Variants in GLYATL2 observed in about 807,000 individuals in gnomAD.
GLYATL2 encodes the protein glycine N-acyltransferase-like protein 2.
Under a neutral mutation model 21.4 loss-of-function variants are expected in GLYATL2, and 25 were observed. The observed-to-expected ratio is 1.17, with a 90% CI of 0.85 to 1.63. The LOEUF is 1.63. Ranked by LOEUF, GLYATL2 falls within the 40% of genes most tolerant of loss-of-function variation. The pLI, the probability that GLYATL2 is intolerant of heterozygous loss-of-function variation, is 0.00. For missense variants in GLYATL2, 361 were observed against 343.3 expected, an observed-to-expected ratio of 1.05 and a Z score of -0.41; for synonymous variants, 114 against 118.2, an observed-to-expected ratio of 0.96 and a Z score of 0.23.
intron 1 of GLYATL2, among the ~76,000 whole-genome samples, chr11:58,842,980 C>T (rs1853580161): frequency 6.6e-6 from 1 of 152,048 alleles, no homozygotes. Flanking sequence ...TGTTTGGGTT[C>T]TTTATTTATA....
At chr11:58,886,590 T>C (rs1202444346) in intron 1 of GLYATL2, among the ~76,000 whole-genome samples, 1 of 152,234 alleles carries the variant, frequency 6.6e-6, no homozygotes, top group East Asian at 1.9e-4. Context: ...GTTAAACACT[T>C]AGTACATAGC....
rs190641794 is a variant in GLYATL2 at position 58,850,820 on chromosome 11, C to G, written n.61-12452G>C. Among the ~76,000 whole-genome samples the G allele has an allele frequency of 3.9e-3, 591 of 152,162 alleles. 5 individuals carry two copies. Among genetic ancestry groups the G allele is most frequent in the African/African-American group, 0.014 (568 of 41,550 alleles). ...TGTGGAGGGCCTGACATCAGTCAGGCCCACCCACAGTTATCTGGAGGCCTA... is the reference window on the plus strand; with the variant it reads ...TGTGGAGGGCCTGACATCAGTCAGGGCCACCCACAGTTATCTGGAGGCCTA... On this transcript the variant is annotated intron_variant and non_coding_transcript_variant, in intron 1 of 4. Coordinates refer to the GLYATL2 transcript ENST00000533636.
chr11:58,905,608 AG>A, upstream of GLYATL2: 1 of 456,292 alleles, frequency 2.2e-6, no homozygotes, highest in Non-Finnish European at 4.4e-6. Flanking sequence ...ACTGGGAGAC[AG>A]GGGACGCCGA....
chr11:58,860,159 T>G (rs1318968828), intron 1 of GLYATL2, among the ~76,000 whole-genome samples: 3 of 152,178 alleles, frequency 2.0e-5, no homozygotes, highest in Admixed American at 1.3e-4. Flanking sequence ...AGAATGTCAT[T>G]GGTATTTAGA....
intron 1 of GLYATL2, among the ~76,000 whole-genome samples, chr11:58,856,954 A>G (rs767231318): frequency 2.6e-5 from 4 of 152,164 alleles, no homozygotes; most frequent in Non-Finnish European, 5.9e-5. Flanking sequence ...TATTTGTAAA[A>G]CTACAGTACC....
At chr11:58,880,649 A>C (rs61892577) in intron 1 of GLYATL2, among the ~76,000 whole-genome samples, 2 of 152,188 alleles carry the variant, frequency 1.3e-5, no homozygotes, top group Non-Finnish European at 2.9e-5. Flanking sequence ...AAAAAAAAAG[A>C]CCAGGTTTTT....
chr11:58,845,330 G>A (rs1434460379), upstream of GLYATL2, among the ~76,000 whole-genome samples: 3 of 152,196 alleles, frequency 2.0e-5, no homozygotes, highest in Non-Finnish European at 4.4e-5. Flanking sequence ...ACTGGGTGCA[G>A]TGGCTCACAT....
At position 58,839,463 on chromosome 11, in the gene GLYATL2, G is replaced by T. The variant is rs146883971; in HGVS notation, c.78+72C>A. 7.4e-5 allele frequency: 64 copies of T among 869,866 alleles called. 1 individual carries two copies. The Middle Eastern group carries it at 2.8e-3, about 37-fold the overall frequency. 53.9% of individuals were successfully genotyped at this position (869,866 alleles called of 1,614,324 possible). A position where few individuals can be genotyped will look rare whatever the true frequency, so the allele number is the denominator to read the frequency against. The stretch of plus-strand genomic sequence containing the variant: ...CTTGCATTCCCATCTCCCCATTAAG[G>T]TTATGAATCCTGAATCTGTCCTCCT... On this transcript the variant is annotated intron_variant, in intron 2 of 5. Transcript: ENST00000287275.
intron 1 of GLYATL2, among the ~76,000 whole-genome samples, chr11:58,861,440 T>C (rs1853929493): frequency 6.6e-6 from 1 of 151,982 alleles, no homozygotes; most frequent in Non-Finnish European, 1.5e-5. Context: ...TTATGTATGA[T>C]TTTATTTTTA....
chr11:58,846,467 A>G (rs548182336), upstream of GLYATL2, among the ~76,000 whole-genome samples: 1 of 152,084 alleles, frequency 6.6e-6, no homozygotes, highest in Admixed American at 6.5e-5. Flanking sequence ...ACCAATCCCC[A>G]TCCCTCCCAA....
chr11:58,898,782 G>C (rs1480501953), intron 1 of GLYATL2, among the ~76,000 whole-genome samples: 2 of 151,932 alleles, frequency 1.3e-5, no homozygotes, highest in South Asian at 4.2e-4. Flanking sequence ...GCAGTGAGCC[G>C]AGATCGCGCC....
chr11:58,838,227 G>T, intron 3 of GLYATL2, 34 bp downstream of exon 3: 2 of 1,370,902 alleles, frequency 1.5e-6, no homozygotes, highest in Non-Finnish European at 2.1e-6. Context: ...TCTGGAGAGT[G>T]ACTACCCTCA....
At chr11:58,906,343 C>A (rs1478763963), upstream of GLYATL2, among the ~76,000 whole-genome samples, 3 of 152,146 alleles carry the variant, frequency 2.0e-5, no homozygotes, top group East Asian at 1.9e-4. Context: ...TGTCGTTTGA[C>A]CCTGGTGGAT....
At chr11:58,889,170 T>C in intron 1 of GLYATL2, among the ~76,000 whole-genome samples, 1 of 152,194 alleles carries the variant, frequency 6.6e-6, no homozygotes, top group East Asian at 1.9e-4. Context: ...TCCATTTCTA[T>C]TTCTGAGCAT....
chr11:58,902,441 G>C (rs1854756401), intron 1 of GLYATL2, among the ~76,000 whole-genome samples: 1 of 152,124 alleles, frequency 6.6e-6, no homozygotes, highest in Non-Finnish European at 1.5e-5. Context: ...CTCATTCTCT[G>C]TGATATACTC....
At chr11:58,876,084 G>T (rs1854226219) in intron 1 of GLYATL2, among the ~76,000 whole-genome samples, 1 of 152,076 alleles carries the variant, frequency 6.6e-6, no homozygotes, top group Non-Finnish European at 1.5e-5. Context: ...GATCGCATCG[G>T]TTACTGAGGC....
At chr11:58,860,891 A>T (rs181812842) in intron 1 of GLYATL2, among the ~76,000 whole-genome samples, 5 of 152,078 alleles carry the variant, frequency 3.3e-5, no homozygotes, top group Middle Eastern at 3.4e-3. Context: ...TTAATGTGGG[A>T]TTTCACATTT....
chr11:58,876,071 G>C (rs893073465), intron 1 of GLYATL2, among the ~76,000 whole-genome samples: 1 of 152,074 alleles, frequency 6.6e-6, no homozygotes, highest in African/African-American at 2.4e-5. Context: ...CTTTCTTCCA[G>C]TTGATCGCAT....
chr11:58,895,795 CG>C (rs1854624429), intron 1 of GLYATL2, among the ~76,000 whole-genome samples: 1 of 151,834 alleles, frequency 6.6e-6, no homozygotes, highest in Admixed American at 6.6e-5. Flanking sequence ...AAGTAAATGC[CG>C]GCACCTATGC....
Sources: gnomAD v4.1 joint callset for allele counts (sites outside exome capture counted in the v4.1 genomes callset) on GRCh38, gnomAD v4.1.1 for gene constraint, MANE v1.5 for transcripts, NCBI Gene and HGNC (gene_info 2026-07-23, HGNC 2026-07-21) for gene names.